CSMD3: variants seen among roughly 807,000 people sequenced by gnomAD.
CSMD3 encodes CUB and Sushi multiple domains 3, also known as CUB and sushi domain-containing protein 3.
CSMD3 carries 177 observed loss-of-function variants against 435.2 expected under a neutral mutation model. The ratio of observed to expected loss-of-function variants is 0.41; its 90% CI spans 0.36 to 0.46. The LOEUF (loss-of-function observed/expected upper bound fraction) is 0.46, where lower values mean the gene tolerates loss of function less well. Ranked by LOEUF, CSMD3 falls within the 20% of genes least tolerant of loss-of-function variation. The pLI is 0.34. For synonymous variants in CSMD3, 1,656 were observed against 1,520.5 expected (o/e 1.09, Z -2.07); for missense variants, 4,265 against 4,504.6 (o/e 0.95, Z 1.52).
chr8:112,552,464 G>T, intron 26 of CSMD3, 130 bp downstream of exon 26: 1 of 887,010 alleles, frequency 1.1e-6, no homozygotes, highest in Non-Finnish European at 1.7e-6. Flanking sequence ...CGGTCTGGAT[G>T]TCAGAGCAAG....
intron 1 of CSMD3, among the ~76,000 whole-genome samples, chr8:113,400,245 T>G (rs2133198889): frequency 6.6e-6 from 1 of 152,104 alleles, no homozygotes. Flanking sequence ...CTCCTTCATA[T>G]TACTTGTAAA....
intron 17 of CSMD3, among the ~76,000 whole-genome samples, chr8:112,662,680 A>G (rs1196900666): frequency 1.3e-5 from 2 of 152,198 alleles, no homozygotes; most frequent in Admixed American, 1.3e-4. Context: ...AATGGGATCT[A>G]ATTAAACTAA....
chr8:113,124,353 C>T (rs931661416), intron 4 of CSMD3, among the ~76,000 whole-genome samples: 2 of 151,790 alleles, frequency 1.3e-5, no homozygotes, highest in Non-Finnish European at 2.9e-5. Context: ...ATAGGCACAA[C>T]TATTTTTCGG....
In CSMD3 at chr8:112,231,723, A is replaced by T. The variant is rs1027894359; in HGVS notation, c.10741-91T>A. ...TAAATACACAATTTTATTCTGAAAG[A>T]AATATTATCACAAGTTCCTTTCTTC... On this transcript the variant is annotated intron_variant, in intron 68 of 70. Transcript: ENST00000297405. The T allele has an allele frequency of 1.2e-4, 99 of 843,840 alleles. 2 individuals are homozygous for T. Among genetic ancestry groups the T allele is most frequent in the South Asian group, 9.1e-4 (66 of 72,274 alleles). The allele number at this position is 843,840 out of a possible 1,614,324, so 52.3% of individuals were successfully genotyped here.
intron 10 of CSMD3, among the ~76,000 whole-genome samples, chr8:112,905,306 G>GTGTA (rs1554714938): frequency 7.7e-6 from 1 of 129,824 alleles, no homozygotes; most frequent in African/African-American, 2.7e-5. Context: ...TATACTATGT[G>GTGTA]TATATATATA....
At chr8:112,660,985 T>C (rs1394933971) in intron 17 of CSMD3, among the ~76,000 whole-genome samples, 1 of 152,072 alleles carries the variant, frequency 6.6e-6, no homozygotes, top group Non-Finnish European at 1.5e-5. Flanking sequence ...GAAGCCAAAA[T>C]CTTTAAACTG....
intron 13 of CSMD3, among the ~76,000 whole-genome samples, chr8:112,754,230 C>A (rs2077639429): frequency 6.6e-6 from 1 of 152,148 alleles, no homozygotes; most frequent in Non-Finnish European, 1.5e-5. Context: ...CTGAACAGAG[C>A]TGTAAGGCCG....
At chr8:112,706,884 A>C (rs2076509549) in intron 13 of CSMD3, among the ~76,000 whole-genome samples, 1 of 152,124 alleles carries the variant, frequency 6.6e-6, no homozygotes, top group South Asian at 2.1e-4. Flanking sequence ...TGGAAGTATC[A>C]GGAAACATTT....
At chr8:113,429,137 A>G (rs2130048952) in intron 1 of CSMD3, among the ~76,000 whole-genome samples, 1 of 151,936 alleles carries the variant, frequency 6.6e-6, no homozygotes, top group South Asian at 2.1e-4. Flanking sequence ...TGACTTTAAA[A>G]CATTTCAACT....
At chr8:113,422,906 A>C (rs1176196858) in intron 1 of CSMD3, among the ~76,000 whole-genome samples, 3 of 152,064 alleles carry the variant, frequency 2.0e-5, no homozygotes. Flanking sequence ...ACTGCTTGGA[A>C]TGAGAAGTGT....
chr8:112,991,837 T>C (rs2085467733), intron 6 of CSMD3, among the ~76,000 whole-genome samples: 1 of 151,924 alleles, frequency 6.6e-6, no homozygotes, highest in Non-Finnish European at 1.5e-5. Flanking sequence ...TGTGACTACA[T>C]AGGTACTTTC....
intron 3 of CSMD3, among the ~76,000 whole-genome samples, chr8:113,203,580 A>T (rs1049981322): frequency 3.3e-5 from 5 of 151,698 alleles, no homozygotes. Context: ...ATATATGTTA[A>T]TTTTTATCCA....
At chr8:112,875,730 C>T (rs546736568) in intron 10 of CSMD3, among the ~76,000 whole-genome samples, 51 of 152,200 alleles carry the variant, frequency 3.4e-4, no homozygotes, top group Admixed American at 9.8e-4. Flanking sequence ...CTTGTGTATG[C>T]TTCATGAATT....
chr8:112,562,374 G>T (rs1373773895), intron 24 of CSMD3, among the ~76,000 whole-genome samples: 1 of 151,216 alleles, frequency 6.6e-6, no homozygotes, highest in African/African-American at 2.4e-5. Context: ...ACTCTTACTT[G>T]CTTTATTTTT....
intron 7 of CSMD3, among the ~76,000 whole-genome samples, chr8:112,970,273 G>T (rs1263689582): frequency 1.3e-5 from 2 of 150,662 alleles, no homozygotes; most frequent in South Asian, 2.1e-4. Flanking sequence ...AGGGATTATT[G>T]AAAAAGATAT....
chr8:113,149,386 T>C (rs1200219157), intron 4 of CSMD3, among the ~76,000 whole-genome samples: 2 of 151,834 alleles, frequency 1.3e-5, no homozygotes, highest in East Asian at 1.9e-4. Context: ...ACAGATATAC[T>C]ATGCAATCAC....
chr8:113,163,252 G>C (rs1315357688), intron 4 of CSMD3, among the ~76,000 whole-genome samples: 1 of 151,904 alleles, frequency 6.6e-6, no homozygotes, highest in Non-Finnish European at 1.5e-5. Context: ...TTAGTACTTT[G>C]TAATGTGATG....
intron 12 of CSMD3, among the ~76,000 whole-genome samples, chr8:112,822,149 A>G (rs1198170937): frequency 3.3e-5 from 5 of 152,138 alleles, no homozygotes; most frequent in Non-Finnish European, 7.4e-5. Context: ...CTTTGGTTCC[A>G]TATGACATTT....
chr8:112,711,505 G>T (rs1444852256), intron 13 of CSMD3, among the ~76,000 whole-genome samples: 1 of 152,066 alleles, frequency 6.6e-6, no homozygotes, highest in Non-Finnish European at 1.5e-5. Flanking sequence ...AAAATAACTG[G>T]CATCTAATAT....
Sources: allele counts gnomAD v4.1 joint callset (sites outside exome capture counted in the v4.1 genomes callset), GRCh38; gene constraint gnomAD v4.1.1; transcripts MANE v1.5; gene names NCBI Gene and HGNC (gene_info 2026-07-23, HGNC 2026-07-21).